The following CLIP4 variants were observed in gnomAD, a reference collection of about 807,000 sequenced individuals.
CLIP4 encodes the protein CAP-Gly domain-containing linker protein 4.
CLIP4 carries 47 observed loss-of-function variants against 73.1 expected under a neutral mutation model. The ratio of observed to expected loss-of-function variants is 0.64; its 90% CI spans 0.51 to 0.82. The LOEUF is 0.82. Among genes scored for constraint, CLIP4 ranks in the 40% least tolerant of loss-of-function variants. CLIP4 has a pLI of 0.00. For missense variants in CLIP4, 874 were observed against 852.9 expected, an observed-to-expected ratio of 1.02 and a Z score of -0.31; for synonymous variants, 306 against 295.4, an observed-to-expected ratio of 1.04 and a Z score of -0.37.
At chr2:29,155,899 T>C (rs1666892839) in intron 9 of CLIP4, among the ~76,000 whole-genome samples, 1 of 152,246 alleles carries the variant, frequency 6.6e-6, no homozygotes, top group African/African-American at 2.4e-5. Context: ...AGTCCTTAGC[T>C]GGGCACTGGC....
intron 3 of CLIP4, chr2:29,131,638 T>C: frequency 2.9e-6 from 1 of 345,158 alleles, no homozygotes; most frequent in Non-Finnish European, 5.2e-6. Context: ...AGGGGCATTT[T>C]TCATATTTCC....
At chr2:29,130,868 G>T (rs1302946902) in intron 2 of CLIP4, 3 of 1,290,210 alleles carry the variant, frequency 2.3e-6, no homozygotes. Flanking sequence ...TATGCATGCT[G>T]TTACAATCTG....
intron 1 of CLIP4, among the ~76,000 whole-genome samples, chr2:29,107,366 T>TTGTTTTTTTGTTTTTTTTGTTTTTTTTG (rs1558504945): frequency 9.3e-6 from 1 of 107,516 alleles, no homozygotes; most frequent in African/African-American, 4.1e-5. Context: ...TAGTTTTTTT[T>TTGTTTTTTTGTTTTTTTTGTTTTTTTTG]TTTTTTTTTT....
At position 29,167,497 on chromosome 2, in the gene CLIP4, C is replaced by G. The variant is rs1356481959; in HGVS notation, c.1680C>G (p.Thr560=). The change falls in exon 14 of 16, where the codon ACC becomes ACG. Residue 560 remains threonine (T), a synonymous_variant. Coordinates refer to ENST00000320081, the MANE Select transcript of CLIP4 (RefSeq NM_024692.6). ...ATAGAGTAACAGATTCCCTGGATAC[C>G]CTTTCAGAAATTTCTTCAAATAAAC... ...RVQRVTDSLD[T]LSEISSNKQN... 3 of 1,607,772 alleles carry G rather than the reference C, an allele frequency of 1.9e-6. No individual in the cohort carries two copies. The highest frequency in any genetic ancestry group is 2.5e-6 in the Non-Finnish European group (3 of 1,177,142).
chr2:29,176,580 G>C (rs746700600), intron 15 of CLIP4, among the ~76,000 whole-genome samples: 4 of 152,204 alleles, frequency 2.6e-5, no homozygotes, highest in African/African-American at 7.2e-5. Context: ...TGGCAGAAAG[G>C]GGGAGGGAAG....
At chr2:29,147,017 G>C (rs11127204) in intron 8 of CLIP4, among the ~76,000 whole-genome samples, 78,705 of 151,986 alleles carry the variant, frequency 0.52, 21,354 homozygotes, top group East Asian at 0.96. Context: ...TAAAAATGCT[G>C]ATTGTATAAG....
At chr2:29,134,976 C>T (rs573598129) in intron 5 of CLIP4, among the ~76,000 whole-genome samples, 221 of 151,614 alleles carry the variant, frequency 1.5e-3, no homozygotes, top group Non-Finnish European at 2.6e-3. Context: ...CGTTTTTTTT[C>T]TGTAAAGGGC....
intron 2 of CLIP4, among the ~76,000 whole-genome samples, chr2:29,125,566 C>G (rs1351834458): frequency 6.6e-6 from 1 of 152,136 alleles, no homozygotes; most frequent in Non-Finnish European, 1.5e-5. Context: ...TCTTACTTAG[C>G]TCTGTCTCCT....
intron 1 of CLIP4, among the ~76,000 whole-genome samples, chr2:29,117,810 C>A (rs1180249920): frequency 1.3e-5 from 2 of 152,214 alleles, no homozygotes; most frequent in Non-Finnish European, 2.9e-5. Flanking sequence ...TAGGAATCAA[C>A]ACTAGGCTGT....
chr2:29,128,608 G>T (rs926184307), intron 2 of CLIP4, among the ~76,000 whole-genome samples: 1 of 152,032 alleles, frequency 6.6e-6, no homozygotes, highest in Non-Finnish European at 1.5e-5. Context: ...TCAAGAGCAG[G>T]CCCATACTCC....
rs896614059 is a variant in CLIP4 at position 29,174,410 on chromosome 2, C to T, written c.1761C>T (p.Ser587=). ...GTTTTAGCACAACTTCTGCTTCTTC[C>T]CAAAAGGAGATTAACAGAAGAAATG... ...RRSFSTTSAS[S]QKEINRRNAF... The change falls in exon 15 of 16, where the codon TCC becomes TCT. Residue 587 remains serine, a synonymous_variant. Coordinates refer to ENST00000320081, the MANE Select transcript of CLIP4 (RefSeq NM_024692.6). 26 of 1,611,468 alleles carry T rather than the reference C, an allele frequency of 1.6e-5. No individual in the cohort carries two copies. Among genetic ancestry groups the T allele is most frequent in the Non-Finnish European group, 2.2e-5 (26 of 1,179,190 alleles).
chr2:29,164,041 T>G (rs1667452935), intron 13 of CLIP4, 87 bp downstream of exon 13: 1 of 1,106,066 alleles, frequency 9.0e-7, no homozygotes, highest in East Asian at 2.5e-5. Flanking sequence ...ATTAAAGATA[T>G]GCTCTGATTG....
chr2:29,116,315 G>C lies in CLIP4; in HGVS notation c.-16+650G>C, dbSNP rs528844041. On this transcript the variant is annotated intron_variant, in intron 1 of 15. Coordinates refer to ENST00000320081, the MANE Select transcript of CLIP4 (RefSeq NM_024692.6). ...CACGTCATCCAGACTCTGGTTTTCA[G>C]CTCTGTGCTGAGACAGTGTTTTGAT... Among the ~76,000 whole-genome samples, 12 of 152,324 alleles carry C rather than the reference G, an allele frequency of 7.9e-5. No homozygotes were observed. In the East Asian group the frequency reaches 2.1e-3, roughly 27 times the overall value.
At chr2:29,109,635 G>A (rs1430557549) in intron 1 of CLIP4, among the ~76,000 whole-genome samples, 1 of 152,172 alleles carries the variant, frequency 6.6e-6, no homozygotes, top group Non-Finnish European at 1.5e-5. Flanking sequence ...TTATAAAGAA[G>A]ACTTTGCATC....
intron 4 of CLIP4, among the ~76,000 whole-genome samples, chr2:29,133,009 G>A (rs1665085872): frequency 6.6e-6 from 1 of 152,098 alleles, no homozygotes; most frequent in Non-Finnish European, 1.5e-5. Flanking sequence ...GCAACACAGT[G>A]AGACCTTGTC....
rs1666080556 is a variant in CLIP4, at chr2:29,145,333, A to G, written c.987A>G (p.Gly329=). The G allele has an allele frequency of 6.2e-7, 1 of 1,613,108 alleles. No individual in the cohort carries two copies. Among genetic ancestry groups the G allele is most frequent in the Admixed American group, 1.7e-5 (1 of 60,018 alleles). The change falls in exon 8 of 16, where the codon GGA becomes GGG. Residue 329 remains glycine, a synonymous_variant. Transcript: ENST00000320081. ...EPEGKNNGSV[G]KVQYFKCAPK... ...AAGGAAAAAATAATGGAAGTGTTGG[A>G]AAAGTCCAGTACTTTAAATGTGCCC... is the stretch of plus-strand genomic sequence containing the variant.
chr2:29,100,368 C>T (rs558391811), intron 1 of CLIP4, among the ~76,000 whole-genome samples: 59 of 152,192 alleles, frequency 3.9e-4, no homozygotes, highest in African/African-American at 9.1e-4. Context: ...AAAAATTAGA[C>T]TTTATTTTTA....
rs1663734311 is a variant in CLIP4 at position 29,115,607 on chromosome 2, C to T, written c.-74C>T. 1.4e-5 allele frequency: 2 copies of T among 147,400 alleles called. No homozygotes were observed. The highest frequency in any genetic ancestry group is 1.3e-4 in the Admixed American group (2 of 14,878). The allele number at this position is 147,400 out of a possible 1,614,324, so 9.1% of individuals were successfully genotyped here. On this transcript the variant is annotated 5_prime_UTR_variant, in exon 1 of 16. Coordinates refer to ENST00000320081, the MANE Select transcript of CLIP4 (RefSeq NM_024692.6). The surrounding 1 kb of genome is among the most constrained non-coding windows in gnomAD (Gnocchi z 5.1). ...CGCCGGCGGGAGCGCGCCTCTCGGCCTTTCCTCCGCGCCCCCGCGTCCCCA... is the reference window on the plus strand; with the variant it reads ...CGCCGGCGGGAGCGCGCCTCTCGGCTTTTCCTCCGCGCCCCCGCGTCCCCA...
chr2:29,176,336 A>C (rs143444298), intron 15 of CLIP4, among the ~76,000 whole-genome samples: 2 of 152,186 alleles, frequency 1.3e-5, no homozygotes, highest in African/African-American at 4.8e-5. Context: ...CTTGAGATTC[A>C]TCAAACTCTG....
Sources: allele counts gnomAD v4.1 joint callset (sites outside exome capture counted in the v4.1 genomes callset), GRCh38; gene constraint gnomAD v4.1.1; non-coding constraint Gnocchi (gnomAD v3.1); transcripts MANE v1.5; gene names NCBI Gene and HGNC (gene_info 2026-07-23, HGNC 2026-07-21).